DPP6: variants seen among roughly 807,000 people sequenced by gnomAD.
DPP6 encodes the protein dipeptidyl peptidase like 6, also known as A-type potassium channel modulatory protein DPP6.
A neutral mutation model predicts 122.6 loss-of-function variants in DPP6; 69 were observed. That is an observed-to-expected ratio of 0.56 (90% CI 0.46 to 0.69). DPP6 has a LOEUF of 0.69. Among genes scored for constraint, DPP6 ranks in the 30% least tolerant of loss-of-function variants. The probability of loss-of-function intolerance (pLI) is 0.00; values close to 1 mark genes in which losing one functional copy is unlikely to be tolerated. For synonymous variants in DPP6, 418 were observed against 433.1 expected, an observed-to-expected ratio of 0.97 and a Z score of 0.43; for missense variants, 928 against 1,116.9, an observed-to-expected ratio of 0.83 and a Z score of 2.41.
chr7:154,500,587 T>C (rs2087720), intron 3 of DPP6, among the ~76,000 whole-genome samples: 79,666 of 151,940 alleles, frequency 0.52, 21,117 homozygotes, highest in East Asian at 0.72. Flanking sequence ...AAGGGGAGTT[T>C]CCTTGCACCA....
At chr7:154,704,510 A>G (rs984268071) in intron 7 of DPP6, among the ~76,000 whole-genome samples, 3 of 152,188 alleles carry the variant, frequency 2.0e-5, no homozygotes, top group African/African-American at 7.2e-5. Flanking sequence ...AGCTTTTGTG[A>G]AAGGAAGAAT....
intron 2 of DPP6, among the ~76,000 whole-genome samples, chr7:154,474,105 G>A (rs1344781324): frequency 6.6e-6 from 1 of 152,200 alleles, no homozygotes; most frequent in African/African-American, 2.4e-5. Flanking sequence ...GGACTGGCCT[G>A]TAGGCTCACA....
In DPP6 at chr7:154,052,535, A is replaced by G; in HGVS notation, c.-286A>G. Reference sequence around the variant, plus strand: ...GCTGTGGCAAGGAGTTGGGGAAAAAAATTATAAAAACAGGAAAGAGAGAAA... The same window carrying G: ...GCTGTGGCAAGGAGTTGGGGAAAAAGATTATAAAAACAGGAAAGAGAGAAA... On this transcript the variant is annotated 5_prime_UTR_variant, in exon 1 of 26. Coordinates refer to ENST00000377770, the MANE Select transcript of DPP6 (RefSeq NM_130797.4). The surrounding 1 kb of genome is among the most constrained non-coding windows in gnomAD (Gnocchi z 4.8). 1.1e-6 allele frequency: 1 copy of G among 936,746 alleles called. No individual in the cohort carries two copies. The highest frequency in any genetic ancestry group is 1.3e-6 in the Non-Finnish European group (1 of 747,182). 58.0% of individuals were successfully genotyped at this position (936,746 alleles called of 1,614,324 possible).
At chr7:154,458,575 C>T (rs1406292964) in intron 2 of DPP6, among the ~76,000 whole-genome samples, 2 of 152,196 alleles carry the variant, frequency 1.3e-5, no homozygotes, top group African/African-American at 4.8e-5. Flanking sequence ...CTTCCAGTCT[C>T]CAGAACTGGG....
intron 1 of DPP6, among the ~76,000 whole-genome samples, chr7:154,173,608 G>A (rs1053309022): frequency 1.3e-5 from 2 of 151,830 alleles, no homozygotes; most frequent in Admixed American, 6.6e-5. Flanking sequence ...CCCTGTCTCC[G>A]TTCCCCATCC....
chr7:153,881,014 A>G, the DPP6 span, among the ~76,000 whole-genome samples: 1 of 152,218 alleles, frequency 6.6e-6, no homozygotes, highest in South Asian at 2.1e-4. Flanking sequence ...TAATAGGCCA[A>G]TATGCCTAGG....
In DPP6 at chr7:153,954,998, G is replaced by A. The variant is rs143713051; in HGVS notation, c.51+67264G>A. On this transcript the variant is annotated intron_variant, in intron 1 of 25. Transcript: ENST00000404039. The stretch of plus-strand genomic sequence containing the variant: ...AAGGTGTCAGAAGTGATGGTTGGTG[G>A]GTGTGTAGCATTGGGGCAAATTGAT... Among the ~76,000 whole-genome samples the A allele has an allele frequency of 6.2e-3, 941 of 152,282 alleles. 7 individuals carry two copies. Among genetic ancestry groups the A allele is most frequent in the Non-Finnish European group, 9.7e-3 (663 of 68,024 alleles).
chr7:154,441,491 C>T (rs531937729), intron 1 of DPP6, among the ~76,000 whole-genome samples: 21 of 152,260 alleles, frequency 1.4e-4, no homozygotes, highest in African/African-American at 3.6e-4. Context: ...CTCCTTGCAG[C>T]GTTCAAAAAT....
At chr7:154,602,545 T>A (rs1198439628) in intron 5 of DPP6, among the ~76,000 whole-genome samples, 1 of 117,558 alleles carries the variant, frequency 8.5e-6, no homozygotes, top group Non-Finnish European at 1.9e-5. Flanking sequence ...AGCCTCCCAT[T>A]TCTCGAGTAG....
chr7:153,948,619 ATT>A (rs1802057675), intron 1 of DPP6, among the ~76,000 whole-genome samples: 1 of 41,744 alleles, frequency 2.4e-5, no homozygotes, highest in East Asian at 7.8e-3. Context: ...CTGTTTTTTT[ATT>A]TTTATTTTTT....
At chr7:154,692,755 T>C (rs1840001328) in intron 7 of DPP6, among the ~76,000 whole-genome samples, 1 of 151,152 alleles carries the variant, frequency 6.6e-6, no homozygotes, top group African/African-American at 2.5e-5. Flanking sequence ...TTCATACTTT[T>C]ATTTGAAAAC....
At chr7:154,732,586 A>T (rs1340338826) in intron 8 of DPP6, among the ~76,000 whole-genome samples, 1 of 152,172 alleles carries the variant, frequency 6.6e-6, no homozygotes, top group Non-Finnish European at 1.5e-5. Context: ...AGAGTGAGGG[A>T]TGATGAACTC....
intron 1 of DPP6, among the ~76,000 whole-genome samples, chr7:154,063,653 CT>C (rs1357621898): frequency 1.9e-4 from 27 of 142,034 alleles, no homozygotes; most frequent in African/African-American, 5.4e-4. Flanking sequence ...CCTCTTCCCC[CT>C]CTGGCGCTTA....
At chr7:154,832,934 A>G (rs922957341) in intron 16 of DPP6, among the ~76,000 whole-genome samples, 2 of 152,234 alleles carry the variant, frequency 1.3e-5, no homozygotes, top group Non-Finnish European at 2.9e-5. Context: ...GGACACAGAG[A>G]ATCGAGCCCT....
At chr7:154,668,219 A>ATATATATAT (rs1554430259) in intron 6 of DPP6, among the ~76,000 whole-genome samples, 26 of 54,332 alleles carry the variant, frequency 4.8e-4, no homozygotes, top group East Asian at 8.3e-4. Context: ...ATATATATAT[A>ATATATATAT]ATATACACAT....
At chr7:154,303,987 G>A (rs189131114) in intron 1 of DPP6, among the ~76,000 whole-genome samples, 142 of 152,342 alleles carry the variant, frequency 9.3e-4, no homozygotes, top group African/African-American at 3.3e-3. Context: ...CTTTTAAATG[G>A]AAGCATGTCT....
the DPP6 span, among the ~76,000 whole-genome samples, chr7:153,862,254 A>C: frequency 6.6e-6 from 1 of 152,212 alleles, no homozygotes; most frequent in African/African-American, 2.4e-5. Context: ...GATAGCGAAA[A>C]AGAGCCTCTG....
chr7:153,763,501 A>AG, the DPP6 span, among the ~76,000 whole-genome samples: 3 of 152,154 alleles, frequency 2.0e-5, no homozygotes, highest in African/African-American at 7.2e-5. Context: ...TGTCAGAAAA[A>AG]TAGAGGGTAT....
chr7:154,191,238 T>TACAAACA (rs1459758892), intron 1 of DPP6, among the ~76,000 whole-genome samples: 3 of 152,204 alleles, frequency 2.0e-5, no homozygotes, highest in African/African-American at 7.2e-5. Context: ...CTTGTAAGAT[T>TACAAACA]TATAAACGAT....
Sources: allele counts gnomAD v4.1 joint callset (sites outside exome capture counted in the v4.1 genomes callset), GRCh38; gene constraint gnomAD v4.1.1; non-coding constraint Gnocchi (gnomAD v3.1); transcripts MANE v1.5; gene names NCBI Gene and HGNC (gene_info 2026-07-23, HGNC 2026-07-21).